Variants in TTC13 observed in about 807,000 individuals in gnomAD.
TTC13 encodes the protein tetratricopeptide repeat protein 13.
In TTC13, 62 loss-of-function variants were observed where a neutral mutation model predicts 120.0. The observed-to-expected ratio is 0.52, with a 90% CI of 0.42 to 0.64. TTC13 has a LOEUF of 0.64. Ranked by LOEUF, TTC13 falls within the 30% of genes least tolerant of loss-of-function variation. The probability of loss-of-function intolerance (pLI) is 0.00; values close to 1 mark genes in which losing one functional copy is unlikely to be tolerated. For synonymous variants in TTC13, 384 were observed against 393.5 expected (o/e 0.98, Z 0.28); for missense variants, 824 against 1,050.2 (o/e 0.78, Z 2.98).
chr1:230,924,926 A>G lies in TTC13; in HGVS notation c.1636T>C (p.Trp546Arg). ...TTCATTCGAACTTTCGAGTTGGTCC[A>G]TGTACGCTGCACGGCTTGCATGACC... ...LEVMQAVQRT[W>R]TNSKVRMNGK... Residue 546 changes from tryptophan (W) to arginine (R), a missense_variant, in exon 14 of 23, where the codon TGG (tryptophan) becomes CGG (arginine). This residue lies in a region of TTC13 where 430 missense variants were observed against 626.8 expected (regional missense o/e 0.69). Coordinates refer to ENST00000366661, the MANE Select transcript of TTC13 (RefSeq NM_024525.5). 1 of 1,614,226 alleles carries G rather than the reference A, an allele frequency of 6.2e-7. No individual in the cohort carries two copies. The highest frequency in any genetic ancestry group is 2.2e-5 in the East Asian group (1 of 44,886).
At chr1:230,963,909 G>T (rs1364920875) in intron 1 of TTC13, among the ~76,000 whole-genome samples, 1 of 152,150 alleles carries the variant, frequency 6.6e-6, no homozygotes, top group Non-Finnish European at 1.5e-5. Context: ...AAAGGCTTTA[G>T]TCCCACAAAA....
At chr1:230,931,955 G>A (rs1673601398) in intron 9 of TTC13, 78 bp from the exon 10 acceptor site, 15 of 1,406,148 alleles carry the variant, frequency 1.1e-5, no homozygotes, top group South Asian at 2.5e-5. Flanking sequence ...TCAGAATTAT[G>A]GACCAATATG....
Position 230,936,304 on chromosome 1 carries a change from C to T in TTC13, c.901-2443G>A, listed in dbSNP as rs540871249. On this transcript the variant is annotated intron_variant, in intron 8 of 22. Coordinates refer to ENST00000366661, the MANE Select transcript of TTC13 (RefSeq NM_024525.5). ...ACATAGTAGAATCAAGATTTTAAGG[C>T]GTTGGGAACAAAGAAACTACGTTTG... 4.0e-5 allele frequency: 18 copies of T among 450,288 alleles called. No individual in the cohort carries two copies. In the East Asian group the frequency reaches 4.2e-4, roughly 10 times the overall value. The allele number at this position is 450,288 out of a possible 1,614,324, so 27.9% of individuals were successfully genotyped here.
At chr1:230,923,475 A>G (rs1672777290) in intron 15 of TTC13, among the ~76,000 whole-genome samples, 1 of 151,970 alleles carries the variant, frequency 6.6e-6, no homozygotes, top group African/African-American at 2.4e-5. Context: ...CAAATAATTT[A>G]TTTGAGCCAT....
rs1194406159 is a variant in TTC13 at position 230,908,367 on chromosome 1, T to C, written c.2468+345A>G. The C allele has an allele frequency of 1.3e-5, 6 of 457,056 alleles. No homozygotes were observed. The East Asian group carries it at 4.1e-4, about 31-fold the overall frequency. 28.3% of individuals were successfully genotyped at this position (457,056 alleles called of 1,614,324 possible). On this transcript the variant is annotated intron_variant, in intron 22 of 22. Transcript: ENST00000366661. ...CATGCCCAGCTAATTTTAAATTTTT[T>C]TGTAGAGGGGAGCAGTTTCACTATG...
rs544709293 is a variant in TTC13, at chr1:230,923,912, G to A, written c.1743C>T (p.Pro581=). ...CTGGCATTTGATCTAACCACAGCAC[G>A]GGCTGGTCTGGGTCAGCAATCCTAT... The part of the protein sequence containing the change: ...KWRRIADPDQ[P]VLWLDQMPAR... The change falls in exon 15 of 23, where the codon CCC becomes CCT. Residue 581 remains proline (P), a synonymous_variant. Coordinates refer to ENST00000366661, the MANE Select transcript of TTC13 (RefSeq NM_024525.5). 5.6e-6 allele frequency: 9 copies of A among 1,613,744 alleles called. 1 individual carries two copies. The highest frequency in any genetic ancestry group is 4.4e-5 in the South Asian group (4 of 91,036).
intron 12 of TTC13, among the ~76,000 whole-genome samples, chr1:230,928,583 C>T (rs771984351): frequency 1.2e-4 from 19 of 152,214 alleles, no homozygotes; most frequent in Non-Finnish European, 2.1e-4. Flanking sequence ...TTTCTTCTCT[C>T]TGTGCACTGT....
intron 3 of TTC13, among the ~76,000 whole-genome samples, chr1:230,955,740 C>G (rs934893776): frequency 6.7e-6 from 1 of 149,978 alleles, no homozygotes; most frequent in African/African-American, 2.5e-5. Flanking sequence ...GTTTAAAATA[C>G]ATTCATAAAT....
rs1678601132 is a variant in TTC13, at chr1:230,978,459, C to A, written c.271+101G>T. The A allele has an allele frequency of 6.5e-6, 2 of 310,016 alleles. No individual in the cohort carries two copies. Among genetic ancestry groups the A allele is most frequent in the Non-Finnish European group, 1.1e-5 (2 of 174,102 alleles). The allele number at this position is 310,016 out of a possible 1,614,324, so 19.2% of individuals were successfully genotyped here. On this transcript the variant is annotated intron_variant, in intron 1 of 22. Coordinates refer to ENST00000366661, the MANE Select transcript of TTC13 (RefSeq NM_024525.5). The surrounding 1 kb of genome is among the most constrained non-coding windows in gnomAD (Gnocchi z 5.6). ...GGCTCCCGCGGATCGCGCGCCGCAG[C>A]CGGAGGCGTGAGGCCCGGGCGACCC...
At chr1:230,976,754 T>A (rs1379611073) in intron 1 of TTC13, among the ~76,000 whole-genome samples, 2 of 152,232 alleles carry the variant, frequency 1.3e-5, no homozygotes, top group African/African-American at 4.8e-5. Context: ...ACAGTGTTCA[T>A]CCTCCAGGGA....
intron 1 of TTC13, among the ~76,000 whole-genome samples, chr1:230,973,582 A>G (rs898858588): frequency 2.0e-5 from 3 of 152,244 alleles, no homozygotes; most frequent in Admixed American, 6.5e-5. Flanking sequence ...GGCTGAAGGC[A>G]TTGGAAAAAA....
chr1:230,963,635 A>AAAATAAATAAATAAATAAATAAAT (rs145205225), intron 1 of TTC13, among the ~76,000 whole-genome samples: 4 of 146,092 alleles, frequency 2.7e-5, no homozygotes, highest in African/African-American at 1.0e-4. Flanking sequence ...ACCCTGTCTC[A>AAAATAAATAAATAAATAAATAAAT]AAATAAATAA....
chr1:230,970,553 T>C (rs1306289033), intron 1 of TTC13, among the ~76,000 whole-genome samples: 2 of 152,114 alleles, frequency 1.3e-5, no homozygotes, highest in East Asian at 3.9e-4. Context: ...GAAGGCAAAA[T>C]CTACCAGTCC....
chr1:230,962,712 A>G (rs968124983), intron 1 of TTC13, among the ~76,000 whole-genome samples: 2 of 152,250 alleles, frequency 1.3e-5, no homozygotes, highest in Non-Finnish European at 2.9e-5. Context: ...AGATGAATGA[A>G]TAAACAAATT....
chr1:230,939,311 A>T (rs1674341635), intron 8 of TTC13, 75 bp downstream of exon 8: 2 of 810,378 alleles, frequency 2.5e-6, no homozygotes, highest in Non-Finnish European at 3.9e-6. Context: ...CCAGCCATCA[A>T]TCAAACGAAA....
intron 1 of TTC13, among the ~76,000 whole-genome samples, chr1:230,970,327 T>A (rs1056311744): frequency 3.9e-5 from 6 of 152,204 alleles, no homozygotes; most frequent in African/African-American, 1.2e-4. Context: ...GCAGTCCATA[T>A]GAACATCTCC....
intron 11 of TTC13, among the ~76,000 whole-genome samples, chr1:230,931,060 A>G (rs574578566): frequency 5.1e-4 from 78 of 152,216 alleles, no homozygotes; most frequent in Non-Finnish European, 1.0e-3. Flanking sequence ...ACTTAAGTAA[A>G]AAATGTTTTA....
intron 19 of TTC13, 103 bp from the exon 20 acceptor site, chr1:230,911,652 T>C: frequency 1.6e-6 from 1 of 629,138 alleles, no homozygotes; most frequent in Non-Finnish European, 2.5e-6. Context: ...AGAAGAGGAT[T>C]GTTTTCTTCC....
At position 230,952,376 on chromosome 1, in the gene TTC13, G is replaced by T. The variant is rs577718766; in HGVS notation, c.513+1957C>A. ...GAAAGCACCAGCAGGAAAGCCAAGG[G>T]CATTCTTGCTGCTAATAAAAATATG... On this transcript the variant is annotated intron_variant, in intron 4 of 22. Transcript: ENST00000366661. Among the ~76,000 whole-genome samples the T allele has an allele frequency of 1.2e-4, 18 of 152,254 alleles. No individual in the cohort carries two copies. In the East Asian group the frequency reaches 3.3e-3, roughly 28 times the overall value.
Sources: gnomAD v4.1 joint callset for allele counts (sites outside exome capture counted in the v4.1 genomes callset) on GRCh38, gnomAD v4.1.1 for gene constraint, gnomAD v4.1.1 regional missense constraint, Gnocchi (gnomAD v3.1) non-coding constraint, MANE v1.5 for transcripts, NCBI Gene and HGNC (gene_info 2026-07-23, HGNC 2026-07-21) for gene names.